Variants in SUGCT observed in about 807,000 individuals in gnomAD.
The protein encoded by SUGCT is succinyl-CoA:glutarate CoA-transferase.
A neutral mutation model predicts 55.0 loss-of-function variants in SUGCT; 41 were observed. The ratio of observed to expected loss-of-function variants is 0.74; its 90% CI spans 0.58 to 0.97. The LOEUF (loss-of-function observed/expected upper bound fraction) is 0.97, where lower values mean the gene tolerates loss of function less well. Among genes scored for constraint, SUGCT ranks in the 50% least tolerant of loss-of-function variants. The pLI is 0.00. For missense variants in SUGCT, 568 were observed against 547.8 expected (o/e 1.04, Z -0.37); for synonymous variants, 187 against 200.4 (o/e 0.93, Z 0.56).
intron 9 of SUGCT, among the ~76,000 whole-genome samples, chr7:40,342,360 T>A (rs1797098384): frequency 6.6e-6 from 1 of 152,104 alleles, no homozygotes; most frequent in Admixed American, 6.5e-5. Context: ...GAAAAGCAAA[T>A]GAGAGACAAA....
At position 40,396,023 on chromosome 7, in the gene SUGCT, G is replaced by C. The variant is rs570237933; in HGVS notation, c.817-53264G>C. ...GAACTAAAGCCAAGAGAATGTAAGA[G>C]ATAGTTTTAGCTTTGCTCTCTGATA... On this transcript the variant is annotated intron_variant, in intron 9 of 13. Transcript: ENST00000335693. Among the ~76,000 whole-genome samples the C allele has an allele frequency of 3.8e-4, 58 of 152,124 alleles. 1 individual carries two copies. Among genetic ancestry groups the C allele is most frequent in the Non-Finnish European group, 7.1e-4 (48 of 68,014 alleles).
At chr7:40,254,945 G>A (rs532853774) in intron 7 of SUGCT, among the ~76,000 whole-genome samples, 23 of 151,578 alleles carry the variant, frequency 1.5e-4, no homozygotes, top group South Asian at 6.3e-4. Flanking sequence ...TTGGCTGGGC[G>A]CGGTGGCTCA....
Position 40,812,825 on chromosome 7 carries a change from T to A in SUGCT, c.1154-47491T>A, listed in dbSNP as rs563161089. ...GTGAGATTAGATTGTTAATTTGAGA[T>A]CTTTCTAACCTTTTGAGGTAGGTTT... On this transcript the variant is annotated intron_variant, in intron 13 of 13. Coordinates refer to ENST00000335693, the MANE Select transcript of SUGCT (RefSeq NM_001193313.2). Among the ~76,000 whole-genome samples, 6 of 152,260 alleles carry A rather than the reference T, an allele frequency of 3.9e-5. No individual in the cohort carries two copies. In the East Asian group the frequency reaches 9.6e-4, roughly 24 times the overall value.
chr7:40,154,207 A>C (rs755506985), intron 1 of SUGCT: 4 of 170,926 alleles, frequency 2.3e-5, no homozygotes, highest in Admixed American at 6.0e-5. Context: ...CAACACTGGA[A>C]ATGTCAGCAT....
intron 1 of SUGCT, among the ~76,000 whole-genome samples, chr7:40,141,436 C>A (rs141905627): frequency 0.063 from 9,617 of 151,870 alleles, 994 homozygotes; most frequent in African/African-American, 0.22. Flanking sequence ...AGTTCGAGAC[C>A]AGCCTGGCCA....
At chr7:40,304,588 C>G (rs1473171150) in intron 8 of SUGCT, among the ~76,000 whole-genome samples, 1 of 151,398 alleles carries the variant, frequency 6.6e-6, no homozygotes, top group Non-Finnish European at 1.5e-5. Flanking sequence ...CCTCACCACC[C>G]CCCACCCTTT....
the SUGCT span, among the ~76,000 whole-genome samples, chr7:40,919,439 A>AT: frequency 6.6e-6 from 1 of 152,242 alleles, no homozygotes; most frequent in Non-Finnish European, 1.5e-5. Flanking sequence ...AGTCCTATTC[A>AT]TTTTACCTCC....
intron 12 of SUGCT, among the ~76,000 whole-genome samples, chr7:40,647,575 G>A (rs1191798304): frequency 1.3e-5 from 2 of 152,156 alleles, no homozygotes; most frequent in Non-Finnish European, 2.9e-5. Flanking sequence ...CCTCAGCCAG[G>A]CGCAGTGGCT....
intron 9 of SUGCT, among the ~76,000 whole-genome samples, chr7:40,412,541 T>C (rs142833811): frequency 8.9e-4 from 136 of 152,328 alleles, no homozygotes; most frequent in Non-Finnish European, 1.6e-3. Context: ...ATATTTTGTT[T>C]TGTCGAATTT....
chr7:40,152,852 C>G (rs1788649605), intron 1 of SUGCT, among the ~76,000 whole-genome samples: 6 of 152,028 alleles, frequency 3.9e-5, no homozygotes, highest in African/African-American at 1.4e-4. Flanking sequence ...AAGCGCCCAC[C>G]ACCGTGCCCG....
intron 9 of SUGCT, among the ~76,000 whole-genome samples, chr7:40,384,882 C>T (rs1188011811): frequency 6.6e-6 from 1 of 152,062 alleles, no homozygotes; most frequent in East Asian, 1.9e-4. Context: ...TATTGAGAGC[C>T]TACTATGCAT....
At chr7:41,014,213 C>G in the SUGCT span, among the ~76,000 whole-genome samples, 5 of 152,092 alleles carry the variant, frequency 3.3e-5, no homozygotes, top group African/African-American at 1.2e-4. Flanking sequence ...TCATGTGAAT[C>G]TATTTCAAAA....
chr7:40,712,817 C>A (rs1018959615), intron 12 of SUGCT, among the ~76,000 whole-genome samples: 1 of 152,168 alleles, frequency 6.6e-6, no homozygotes, highest in East Asian at 1.9e-4. Flanking sequence ...CTTCAGAGTG[C>A]GCTGCCATTA....
At chr7:40,730,759 A>G (rs186069591) in intron 12 of SUGCT, among the ~76,000 whole-genome samples, 1 of 152,080 alleles carries the variant, frequency 6.6e-6, no homozygotes, top group Non-Finnish European at 1.5e-5. Context: ...ACTTTTTTAG[A>G]TCTCACATAT....
intron 11 of SUGCT, among the ~76,000 whole-genome samples, chr7:40,464,978 C>T (rs1790023084): frequency 6.6e-6 from 1 of 152,148 alleles, no homozygotes; most frequent in South Asian, 2.1e-4. Flanking sequence ...AATTTTCAAG[C>T]TGCTTTTGGA....
intron 8 of SUGCT, among the ~76,000 whole-genome samples, chr7:40,299,439 A>G (rs1794389238): frequency 6.6e-6 from 1 of 152,236 alleles, no homozygotes; most frequent in South Asian, 2.1e-4. Flanking sequence ...GCCAATTCTC[A>G]TGGTGTAAAC....
chr7:40,390,903 C>A (rs1021352881), intron 9 of SUGCT, among the ~76,000 whole-genome samples: 1 of 152,118 alleles, frequency 6.6e-6, no homozygotes, highest in Non-Finnish European at 1.5e-5. Context: ...GCTACAGTAA[C>A]CAAAACAGCA....
intron 12 of SUGCT, among the ~76,000 whole-genome samples, chr7:40,691,906 A>G (rs537751095): frequency 1.3e-5 from 2 of 152,344 alleles, no homozygotes; most frequent in East Asian, 1.9e-4. Flanking sequence ...AGTGCTCACC[A>G]TGTAGCAAAA....
At chr7:40,663,858 A>G (rs1342781684) in intron 12 of SUGCT, among the ~76,000 whole-genome samples, 1 of 152,152 alleles carries the variant, frequency 6.6e-6, no homozygotes, top group Non-Finnish European at 1.5e-5. Flanking sequence ...TATGGTTTAA[A>G]TTATGTCCCA....
Sources: allele counts gnomAD v4.1 joint callset (sites outside exome capture counted in the v4.1 genomes callset), GRCh38; gene constraint gnomAD v4.1.1; transcripts MANE v1.5; gene names NCBI Gene and HGNC (gene_info 2026-07-23, HGNC 2026-07-21).